The following NIPAL2 variants were observed in gnomAD, a reference collection of about 807,000 sequenced individuals.
NIPAL2 encodes NIPA-like protein 2.
In NIPAL2, 43 loss-of-function variants were observed where a neutral mutation model predicts 48.9. The ratio of observed to expected loss-of-function variants is 0.88; its 90% CI spans 0.69 to 1.13. The LOEUF (loss-of-function observed/expected upper bound fraction) is 1.13. Among genes scored for constraint, NIPAL2 ranks in the 50% most tolerant of loss-of-function variants. The probability of loss-of-function intolerance (pLI) is 0.00; values close to 1 mark genes in which losing one functional copy is unlikely to be tolerated. For missense variants in NIPAL2, 446 were observed against 461.4 expected, an observed-to-expected ratio of 0.97 and a Z score of 0.31; for synonymous variants, 167 against 174.6, an observed-to-expected ratio of 0.96 and a Z score of 0.34.
chr8:98,293,889 G>T, intron 1 of NIPAL2, 114 bp downstream of exon 1: 1 of 1,004,656 alleles, frequency 1.0e-6, no homozygotes, highest in Non-Finnish European at 1.3e-6. Flanking sequence ...ACTCGGAGAG[G>T]CCGGGTGTCT....
At chr8:98,259,069 C>CTTTTTTTTTTTTTTTTTTTT (rs1563531576) in intron 1 of NIPAL2, among the ~76,000 whole-genome samples, 13 of 89,348 alleles carry the variant, frequency 1.5e-4, no homozygotes, top group African/African-American at 4.1e-4. Context: ...TTTAAATATT[C>CTTTTTTTTTTTTTTTTTTTT]CTTTTTTTTT....
chr8:98,202,231 C>T (rs1012723818), intron 8 of NIPAL2, among the ~76,000 whole-genome samples: 8 of 152,124 alleles, frequency 5.3e-5, no homozygotes, highest in African/African-American at 1.9e-4. Flanking sequence ...TCAGGCTTGC[C>T]CTGGAACATT....
At chr8:98,258,748 A>C (rs75119680) in intron 1 of NIPAL2, among the ~76,000 whole-genome samples, 2 of 149,804 alleles carry the variant, frequency 1.3e-5, no homozygotes, top group Non-Finnish European at 3.0e-5. Flanking sequence ...CTATTTCTCT[A>C]TCTCACCTCT....
intron 1 of NIPAL2, among the ~76,000 whole-genome samples, chr8:98,275,839 T>C (rs1815426555): frequency 6.6e-6 from 1 of 152,228 alleles, no homozygotes; most frequent in Non-Finnish European, 1.5e-5. Flanking sequence ...AACTACAATC[T>C]TTCTTCTGTC....
At chr8:98,280,835 A>G (rs1275676067) in intron 1 of NIPAL2, among the ~76,000 whole-genome samples, 3 of 147,850 alleles carry the variant, frequency 2.0e-5, no homozygotes. Context: ...CAATTGGTGA[A>G]TCTCCAGGTG....
intron 4 of NIPAL2, among the ~76,000 whole-genome samples, chr8:98,226,169 C>A (rs1425590901): frequency 2.0e-5 from 3 of 152,104 alleles, no homozygotes; most frequent in Non-Finnish European, 4.4e-5. Flanking sequence ...TATTTGAATT[C>A]TCTGTCTGAA....
At chr8:98,269,177 ACTT>A (rs1475491265) in intron 1 of NIPAL2, among the ~76,000 whole-genome samples, 1 of 152,144 alleles carries the variant, frequency 6.6e-6, no homozygotes, top group Non-Finnish European at 1.5e-5. Flanking sequence ...GTTGGAATCA[ACTT>A]CTTCCAAATT....
chr8:98,250,470 C>T (rs1409054124), intron 3 of NIPAL2, among the ~76,000 whole-genome samples: 1 of 152,154 alleles, frequency 6.6e-6, no homozygotes, highest in East Asian at 1.9e-4. Flanking sequence ...CAAAGCTTTA[C>T]AATGACTTAA....
At chr8:98,215,897 GA>G (rs780050904) in intron 5 of NIPAL2, among the ~76,000 whole-genome samples, 25 of 152,238 alleles carry the variant, frequency 1.6e-4, no homozygotes, top group East Asian at 9.7e-4. Context: ...CTTTCAGTGG[GA>G]AAAACCTCAA....
Position 98,194,780 on chromosome 8 carries a change from A to C in NIPAL2, c.987T>G (p.Asn329Lys). The change falls in exon 10 of 11, where the codon AAT (asparagine) becomes AAG (lysine). Residue 329 changes from asparagine to lysine, a missense_variant. By Grantham distance (94) the Asn-to-Lys change is moderately conservative. Coordinates refer to ENST00000430223, the MANE Select transcript of NIPAL2 (RefSeq NM_001321635.2). The part of the protein sequence containing the change: ...SFLGVFLVTR[N>K]REKEHLQQSY... Reference sequence around the variant, plus strand: ...ACTGTTGCAGATGTTCCTTTTCTCGATTTCTTGTGACCAAAAATACACCAA... The same window carrying C: ...ACTGTTGCAGATGTTCCTTTTCTCGCTTTCTTGTGACCAAAAATACACCAA... 6.3e-7 allele frequency: 1 copy of C among 1,576,652 alleles called. No individual in the cohort carries two copies. Among genetic ancestry groups the C allele is most frequent in the Non-Finnish European group, 8.6e-7 (1 of 1,165,808 alleles).
At chr8:98,217,311 A>T (rs192217860) in intron 5 of NIPAL2, 1 of 982,840 alleles carries the variant, frequency 1.0e-6, no homozygotes, top group East Asian at 1.1e-4. Context: ...CACACAAGAC[A>T]AGGGGTTGAT....
At chr8:98,230,324 T>C (rs1812379987) in intron 4 of NIPAL2, among the ~76,000 whole-genome samples, 3 of 152,302 alleles carry the variant, frequency 2.0e-5, no homozygotes, top group Admixed American at 2.0e-4. Flanking sequence ...GTTATTTTTC[T>C]GGCCTTAAGT....
Position 98,252,502 on chromosome 8 carries a change from T to C in NIPAL2, c.337A>G (p.Ile113Val). The C allele has an allele frequency of 1.2e-6, 2 of 1,614,016 alleles. No homozygotes were observed. Among genetic ancestry groups the C allele is most frequent in the Non-Finnish European group, 1.7e-6 (2 of 1,179,968 alleles). The change falls in exon 3 of 11, where the codon ATT (isoleucine) becomes GTT (valine). Residue 113 changes from isoleucine (I) to valine (V), a missense_variant. Transcript: ENST00000430223. Reference sequence around the variant, plus strand: ...CAGCCTAACGGAGCGATCAGAGTAATGGGAGCAAATCCATAGGCTGCAAAG... The same window carrying C: ...CAGCCTAACGGAGCGATCAGAGTAACGGGAGCAAATCCATAGGCTGCAAAG... ...GNFAAYGFAP[I>V]TLIAPLGCVS...
chr8:98,279,625 C>T (rs748555293), intron 1 of NIPAL2, among the ~76,000 whole-genome samples: 1 of 152,180 alleles, frequency 6.6e-6, no homozygotes, highest in Non-Finnish European at 1.5e-5. Flanking sequence ...GAGCCCAAGG[C>T]ACCCAGGTCA....
intron 8 of NIPAL2, 124 bp from the exon 9 acceptor site, chr8:98,196,129 T>G: frequency 3.6e-6 from 2 of 559,664 alleles, no homozygotes; most frequent in Non-Finnish European, 6.0e-6. Flanking sequence ...ATCCTTAAAA[T>G]GCACATTCAG....
intron 1 of NIPAL2, among the ~76,000 whole-genome samples, chr8:98,260,554 TA>T (rs773187122): frequency 6.6e-6 from 1 of 152,138 alleles, no homozygotes; most frequent in Non-Finnish European, 1.5e-5. Context: ...CCAACCCGAA[TA>T]CTGCGCTTTT....
chr8:98,247,094 C>T (rs967824499), intron 3 of NIPAL2, among the ~76,000 whole-genome samples: 6 of 152,202 alleles, frequency 3.9e-5, no homozygotes, highest in African/African-American at 1.4e-4. Context: ...CCCCAAAGGA[C>T]AGGCTTATAG....
intron 1 of NIPAL2, among the ~76,000 whole-genome samples, chr8:98,274,426 CT>C (rs962216919): frequency 2.0e-5 from 3 of 151,856 alleles, no homozygotes; most frequent in South Asian, 2.1e-4. Flanking sequence ...TGGCTTTAGA[CT>C]TTTTTTCCTT....
intron 3 of NIPAL2, among the ~76,000 whole-genome samples, chr8:98,240,966 C>T (rs1812952179): frequency 6.6e-6 from 1 of 152,194 alleles, no homozygotes; most frequent in Non-Finnish European, 1.5e-5. Flanking sequence ...AGCATTTGTG[C>T]TTCGTCCTTT....
Sources: gnomAD v4.1 joint callset for allele counts (sites outside exome capture counted in the v4.1 genomes callset) on GRCh38, gnomAD v4.1.1 for gene constraint, MANE v1.5 for transcripts, NCBI Gene and HGNC (gene_info 2026-07-23, HGNC 2026-07-21) for gene names.